The following TEX22 variants were observed in gnomAD, a reference collection of about 807,000 sequenced individuals.
The protein encoded by TEX22 is testis expressed 22, also known as testis-expressed protein 22.
A neutral mutation model predicts 11.3 loss-of-function variants in TEX22; 16 were observed. The ratio of observed to expected loss-of-function variants is 1.42; its 90% CI spans 0.96 to 2.15. The LOEUF is 2.15. TEX22 is among the 30% of genes most tolerant of loss of function. The pLI, the probability that TEX22 is intolerant of heterozygous loss-of-function variation, is 0.00. For missense variants in TEX22, 220 were observed against 208.6 expected (o/e 1.05, Z -0.34); for synonymous variants, 97 against 92.3 (o/e 1.05, Z -0.29).
chr14:105,399,384 C>T lies in TEX22; in HGVS notation c.44C>T (p.Ser15Leu), dbSNP rs1566982864. ...KLSPRGKKLE[S>L]HLSQEHRRPP... ...TCCCCCCGGGGGAAGAAGCTGGAGT[C>T]GCACCTCTCCCAAGAGCACAGGCGG... The change falls in exon 2 of 4, where the codon TCG (serine) becomes TTG (leucine). Residue 15 changes from serine to leucine, a missense_variant. Transcript: ENST00000451127. 2.6e-6 allele frequency: 4 copies of T among 1,535,734 alleles called. No individual in the cohort carries two copies. Among genetic ancestry groups the T allele is most frequent in the South Asian group, 1.2e-5 (1 of 84,040 alleles).
chr14:105,401,801 A>G (rs1357233090), intron 2 of TEX22, among the ~76,000 whole-genome samples: 3 of 152,228 alleles, frequency 2.0e-5, no homozygotes, highest in Non-Finnish European at 4.4e-5. Context: ...ACATCTCCAT[A>G]GCCTGACGGA....
intron 2 of TEX22, among the ~76,000 whole-genome samples, chr14:105,408,200 T>A (rs1555419005): frequency 6.6e-6 from 1 of 152,146 alleles, no homozygotes; most frequent in East Asian, 1.9e-4. Flanking sequence ...AGGTGAGAAG[T>A]GCACTTTTGC....
intron 3 of TEX22, 31 bp downstream of exon 3, chr14:105,411,527 T>TTCCC: frequency 1.8e-6 from 1 of 568,112 alleles, no homozygotes; most frequent in Non-Finnish European, 2.1e-6. Context: ...CCCCGCCCCG[T>TTCCC]CCCCGCCCCG....
rs587771423 is a variant in TEX22 at position 105,408,782 on chromosome 14, G to T, written c.151-2586G>T. Among the ~76,000 whole-genome samples the T allele has an allele frequency of 2.8e-4, 43 of 152,194 alleles. No homozygotes were observed. In the East Asian group the frequency reaches 5.6e-3, roughly 20 times the overall value. On this transcript the variant is annotated intron_variant, in intron 2 of 3. Coordinates refer to ENST00000451127, the MANE Select transcript of TEX22 (RefSeq NM_001195082.2). The stretch of plus-strand genomic sequence containing the variant: ...TCTGTCCATGCCCCACCGCAGAGAC[G>T]AAGGGTGTAGCGCCCCTTCCCCATC...
At chr14:105,399,099 G>A (rs1477540028) in intron 1 of TEX22, among the ~76,000 whole-genome samples, 1 of 152,234 alleles carries the variant, frequency 6.6e-6, no homozygotes, top group Non-Finnish European at 1.5e-5. Context: ...AGGACAGTTC[G>A]GGAGGCTGGT....
intron 2 of TEX22, among the ~76,000 whole-genome samples, chr14:105,405,561 A>G (rs1406586077): frequency 3.9e-5 from 6 of 152,224 alleles, no homozygotes; most frequent in Admixed American, 2.0e-4. Flanking sequence ...GAAGATGGAC[A>G]CCAAACGGCC....
chr14:105,411,255 G>T, intron 2 of TEX22, 113 bp from the exon 3 acceptor site: 6 of 1,141,142 alleles, frequency 5.3e-6, no homozygotes, highest in Non-Finnish European at 6.5e-6. Context: ...CTGAGCAGAC[G>T]GCGCTTTAGA....
intron 2 of TEX22, among the ~76,000 whole-genome samples, chr14:105,406,135 CATT>C (rs1169235062): frequency 6.6e-6 from 1 of 152,180 alleles, no homozygotes; most frequent in African/African-American, 2.4e-5. Context: ...ACACAAAAAA[CATT>C]AAACCCAAAC....
intron 2 of TEX22, among the ~76,000 whole-genome samples, chr14:105,402,976 C>G (rs2044006442): frequency 6.6e-6 from 1 of 152,030 alleles, no homozygotes; most frequent in Admixed American, 6.6e-5. Flanking sequence ...TCCATCTGGA[C>G]CCCAAGAGAG....
intron 2 of TEX22, among the ~76,000 whole-genome samples, chr14:105,402,937 A>G (rs1391820906): frequency 1.3e-5 from 2 of 152,132 alleles, no homozygotes; most frequent in Non-Finnish European, 2.9e-5. Context: ...GTACAGTGGT[A>G]TGATCACAGT....
chr14:105,402,149 A>G (rs1229724582), intron 2 of TEX22, among the ~76,000 whole-genome samples: 1 of 152,160 alleles, frequency 6.6e-6, no homozygotes, highest in Non-Finnish European at 1.5e-5. Flanking sequence ...TTCCGCCACC[A>G]CACTCCAGCC....
intron 2 of TEX22, 120 bp from the exon 3 acceptor site, chr14:105,411,248 A>C (rs1423849028): frequency 9.0e-7 from 1 of 1,111,164 alleles, no homozygotes; most frequent in Non-Finnish European, 1.1e-6. Context: ...CGGGAGGCTG[A>C]GCAGACGGCG....
At chr14:105,403,252 A>G (rs2081642047) in intron 2 of TEX22, among the ~76,000 whole-genome samples, 1 of 152,222 alleles carries the variant, frequency 6.6e-6, no homozygotes, top group Non-Finnish European at 1.5e-5. Flanking sequence ...TTAGTGTGCA[A>G]GTACATTAAA....
At chr14:105,401,539 A>G (rs1309630739) in intron 2 of TEX22, among the ~76,000 whole-genome samples, 1 of 131,738 alleles carries the variant, frequency 7.6e-6, no homozygotes, top group Non-Finnish European at 1.5e-5. Flanking sequence ...CAATGACAAC[A>G]CTTGGACACA....
In TEX22 at chr14:105,413,311, G is replaced by C. The variant is rs2081706163; in HGVS notation, c.*1478G>C. 6.6e-6 allele frequency: 1 copy of C among 152,510 alleles called. No homozygotes were observed. Among genetic ancestry groups the C allele is most frequent in the Non-Finnish European group, 1.5e-5 (1 of 68,318 alleles). The allele number at this position is 152,510 out of a possible 1,614,324, so 9.4% of individuals were successfully genotyped here. A position where few individuals can be genotyped will look rare whatever the true frequency, so the allele number is the denominator to read the frequency against. The stretch of plus-strand genomic sequence containing the variant: ...CTGAGGCCCCTGATGATGATGTGGG[G>C]AATGGGATCCTATGGGCCCAGCTGC... On this transcript the variant is annotated 3_prime_UTR_variant, in exon 4 of 4. Transcript: ENST00000451127. The surrounding 1 kb of genome is among the most constrained non-coding windows in gnomAD (Gnocchi z 4.2).
At chr14:105,402,721 A>G (rs587686413) in intron 2 of TEX22, among the ~76,000 whole-genome samples, 1 of 148,072 alleles carries the variant, frequency 6.8e-6, no homozygotes, top group African/African-American at 2.6e-5. Flanking sequence ...GCGCTACTGC[A>G]CTCCAGCCTG....
At chr14:105,401,322 C>T (rs1555418321) in intron 2 of TEX22, among the ~76,000 whole-genome samples, 3 of 152,132 alleles carry the variant, frequency 2.0e-5, no homozygotes, top group Non-Finnish European at 4.4e-5. Flanking sequence ...TGGAAAATCA[C>T]ATGATTATCT....
In TEX22 at chr14:105,399,382, G is replaced by T; in HGVS notation, c.42G>T (p.Glu14Asp). The change falls in exon 2 of 4, where the codon GAG becomes GAT. Residue 14 changes from glutamate to aspartate, a missense_variant. Transcript: ENST00000451127. ...RKLSPRGKKL[E>D]SHLSQEHRRP... is the part of the protein sequence containing the mutation. ...TGTCCCCCCGGGGGAAGAAGCTGGA[G>T]TCGCACCTCTCCCAAGAGCACAGGC... 6.5e-7 allele frequency: 1 copy of T among 1,535,816 alleles called. No homozygotes were observed. Among genetic ancestry groups the T allele is most frequent in the Non-Finnish European group, 8.7e-7 (1 of 1,146,804 alleles).
intron 2 of TEX22, among the ~76,000 whole-genome samples, chr14:105,400,280 G>A (rs1159732147): frequency 5.9e-5 from 9 of 152,180 alleles, no homozygotes; most frequent in African/African-American, 1.7e-4. Flanking sequence ...AGGGCTGCCC[G>A]CTGAGGCCCC....
Sources: allele counts gnomAD v4.1 joint callset (sites outside exome capture counted in the v4.1 genomes callset), GRCh38; gene constraint gnomAD v4.1.1; non-coding constraint Gnocchi (gnomAD v3.1); transcripts MANE v1.5; gene names NCBI Gene and HGNC (gene_info 2026-07-23, HGNC 2026-07-21).